The following PIEZO2 variants were observed in gnomAD, a reference collection of about 807,000 sequenced individuals.
The protein encoded by PIEZO2 is piezo-type mechanosensitive ion channel component 2.
In PIEZO2, 172 loss-of-function variants were observed where a neutral mutation model predicts 337.3. That is an observed-to-expected ratio of 0.51 (90% CI 0.45 to 0.58). The LOEUF (loss-of-function observed/expected upper bound fraction) is 0.58, where lower values mean the gene tolerates loss of function less well. PIEZO2 is among the 20% of genes least tolerant of loss of function. The pLI, the probability that PIEZO2 is intolerant of heterozygous loss-of-function variation, is 0.00. For missense variants in PIEZO2, 3,028 were observed against 3,391.3 expected (o/e 0.89, Z 2.66); for synonymous variants, 1,251 against 1,228.5 (o/e 1.02, Z -0.38).
At position 10,815,111 on chromosome 18, in the gene PIEZO2, G is replaced by T. The variant is rs114547283; in HGVS notation, c.918-7837C>A. ...TTTTCTTTTTCTTCCATCCCCTACC[G>T]ACCCTTTCCCCACTCTAATGGCATA... On this transcript the variant is annotated intron_variant, in intron 7 of 55. Coordinates refer to ENST00000674853, the MANE Select transcript of PIEZO2 (RefSeq NM_001378183.1). The surrounding 1 kb of genome is among the most constrained non-coding windows in gnomAD (Gnocchi z 4.1). Among the ~76,000 whole-genome samples, 170 of 152,142 alleles carry T rather than the reference G, an allele frequency of 1.1e-3. 1 individual carries two copies. Among genetic ancestry groups the T allele is most frequent in the African/African-American group, 3.8e-3 (159 of 41,506 alleles).
chr18:11,089,217 T>C (rs976806455), intron 1 of PIEZO2, among the ~76,000 whole-genome samples: 5 of 152,130 alleles, frequency 3.3e-5, no homozygotes, highest in African/African-American at 1.2e-4. Flanking sequence ...TTTAGATATG[T>C]ATCATGGTTG....
intron 39 of PIEZO2, among the ~76,000 whole-genome samples, chr18:10,711,782 C>T (rs4797470): frequency 0.3 from 46,139 of 152,182 alleles, 7,214 homozygotes; most frequent in East Asian, 0.4. Flanking sequence ...TATTCTTCAC[C>T]GCGCAGGAGG....
At chr18:11,039,226 G>T (rs2037026686) in intron 2 of PIEZO2, among the ~76,000 whole-genome samples, 1 of 152,190 alleles carries the variant, frequency 6.6e-6, no homozygotes, top group African/African-American at 2.4e-5. Flanking sequence ...AAGCGATTGG[G>T]TGACAGCAGC....
Position 10,872,577 on chromosome 18 carries a change from C to A in PIEZO2, c.330-1162G>T, listed in dbSNP as rs561804735. Among the ~76,000 whole-genome samples, 2 of 151,702 alleles carry A rather than the reference C, an allele frequency of 1.3e-5. No individual in the cohort carries two copies. The highest frequency in any genetic ancestry group is 1.3e-4 in the Admixed American group (2 of 15,274). ...CAGACTTCTCACACCATTCAGCACA[C>A]GACACGGGCCAGCCATGTCCCTCAT... On this transcript the variant is annotated intron_variant, in intron 4 of 55. Coordinates refer to ENST00000674853, the MANE Select transcript of PIEZO2 (RefSeq NM_001378183.1). The surrounding 1 kb of genome is among the most constrained non-coding windows in gnomAD (Gnocchi z 4.3).
intron 4 of PIEZO2, among the ~76,000 whole-genome samples, chr18:10,880,523 A>G (rs984361265): frequency 6.6e-6 from 1 of 152,126 alleles, no homozygotes; most frequent in African/African-American, 2.4e-5. Flanking sequence ...CATCACAGTC[A>G]TCTTCAGAAG....
At chr18:11,137,652 G>A (rs151305701) in intron 1 of PIEZO2, among the ~76,000 whole-genome samples, 6 of 152,250 alleles carry the variant, frequency 3.9e-5, no homozygotes, top group Admixed American at 6.5e-5. Context: ...AGTGCTGCCC[G>A]GCAGGGACAG....
chr18:10,892,264 T>C, intron 4 of PIEZO2, among the ~76,000 whole-genome samples: 1 of 152,178 alleles, frequency 6.6e-6, no homozygotes, highest in Non-Finnish European at 1.5e-5. Flanking sequence ...TGTACAATTA[T>C]TATGTATTAT....
chr18:10,768,847 C>A (rs879597423), intron 21 of PIEZO2, among the ~76,000 whole-genome samples: 8 of 152,166 alleles, frequency 5.3e-5, no homozygotes, highest in Admixed American at 5.2e-4. Context: ...AAATTGCATC[C>A]TTTAACCCTT....
chr18:11,078,047 CA>C lies in PIEZO2; in HGVS notation c.65-11826del, dbSNP rs1598924254. Among the ~76,000 whole-genome samples the C allele has an allele frequency of 1.4e-4, 6 of 42,108 alleles. No homozygotes were observed. In the East Asian group the frequency reaches 4.6e-3, roughly 32 times the overall value. 27.6% of individuals were successfully genotyped at this position (42,108 alleles called of 152,430 possible). ...GCGTGCACACACACCCACACACACC[CA>C]CACACACACACACACACACCACACA... On this transcript the variant is annotated intron_variant, in intron 1 of 55. Transcript: ENST00000674853. This position sits in a 1 kb window ranked among gnomAD's most constrained non-coding sequence, Gnocchi z 5.3.
At chr18:10,902,039 G>A (rs778199947) in intron 4 of PIEZO2, among the ~76,000 whole-genome samples, 10 of 152,206 alleles carry the variant, frequency 6.6e-5, no homozygotes, top group Non-Finnish European at 1.3e-4. Context: ...TGAGAGGCAG[G>A]CCAGCTCCAC....
Position 10,682,148 on chromosome 18 carries a change from G to T in PIEZO2, c.7642C>A (p.Gln2548Lys). 2 of 1,537,172 alleles carry T rather than the reference G, an allele frequency of 1.3e-6. No homozygotes were observed. Among genetic ancestry groups the T allele is most frequent in the Non-Finnish European group, 1.7e-6 (2 of 1,146,880 alleles). The change falls in exon 50 of 56, where the codon CAG becomes AAG. Residue 2548 changes from glutamine (Q) to lysine (K), a missense_variant. By Grantham distance (53) the Gln-to-Lys change is moderately conservative. Coordinates refer to ENST00000674853, the MANE Select transcript of PIEZO2 (RefSeq NM_001378183.1). This position sits in a 1 kb window ranked among gnomAD's most constrained non-coding sequence, Gnocchi z 5.6. ...LIKSVAGVIN[Q>K]PLDVSVTITL... ...ATTGTGACGGAGACGTCCAGGGGCT[G>T]GTTGATGACCCCAGCCACAGATTTG...
At chr18:10,968,126 TA>T (rs1289656896) in intron 3 of PIEZO2, among the ~76,000 whole-genome samples, 1 of 152,188 alleles carries the variant, frequency 6.6e-6, no homozygotes, top group Non-Finnish European at 1.5e-5. Flanking sequence ...GATTTTTGTA[TA>T]AGGTAAGAGA....
chr18:11,004,136 G>A (rs1001487145), intron 2 of PIEZO2, among the ~76,000 whole-genome samples: 9 of 152,130 alleles, frequency 5.9e-5, no homozygotes, highest in African/African-American at 2.2e-4. Flanking sequence ...TCGTTCCCAG[G>A]GATCTATGAG....
At chr18:10,823,814 T>G (rs1390271967) in intron 7 of PIEZO2, among the ~76,000 whole-genome samples, 1 of 152,234 alleles carries the variant, frequency 6.6e-6, no homozygotes, top group Non-Finnish European at 1.5e-5. Context: ...TTTCCATTTT[T>G]TAATTGAATG....
chr18:10,911,301 C>T lies in PIEZO2; in HGVS notation c.287-73G>A, dbSNP rs572014270. The T allele has an allele frequency of 2.3e-5, 9 of 386,974 alleles. 1 individual carries two copies. The highest frequency in any genetic ancestry group is 1.5e-4 in the South Asian group (4 of 26,730). The allele number at this position is 386,974 out of a possible 1,614,324, so 24.0% of individuals were successfully genotyped here. A position where few individuals can be genotyped will look rare whatever the true frequency, so the allele number is the denominator to read the frequency against. On this transcript the variant is annotated intron_variant, in intron 3 of 55. Coordinates refer to ENST00000674853, the MANE Select transcript of PIEZO2 (RefSeq NM_001378183.1). ...TAGTTTTGTTCGGCTTTTCCACACA[C>T]GCTAGATATTTGGTTTTATGTTTAG...
At chr18:11,117,576 C>T (rs2039926094) in intron 1 of PIEZO2, among the ~76,000 whole-genome samples, 1 of 152,202 alleles carries the variant, frequency 6.6e-6, no homozygotes, top group Admixed American at 6.5e-5. Flanking sequence ...AGAATGTTTT[C>T]CGAAACTTTT....
intron 1 of PIEZO2, among the ~76,000 whole-genome samples, chr18:11,072,776 C>T (rs939792990): frequency 2.0e-5 from 3 of 152,122 alleles, no homozygotes; most frequent in Admixed American, 6.5e-5. Context: ...ATGACCTCAC[C>T]GCCGTACCAC....
At chr18:10,743,651 T>G (rs2037311853) in intron 31 of PIEZO2, among the ~76,000 whole-genome samples, 1 of 152,218 alleles carries the variant, frequency 6.6e-6, no homozygotes, top group Admixed American at 6.5e-5. Context: ...AGAGACTGGA[T>G]GATATTATCT....
At chr18:11,019,807 CTTGT>C (rs1425023398) in intron 2 of PIEZO2, among the ~76,000 whole-genome samples, 1 of 152,168 alleles carries the variant, frequency 6.6e-6, no homozygotes, top group Non-Finnish European at 1.5e-5. Context: ...ATCTCATCAT[CTTGT>C]TTGTTTTCTT....
Sources: gnomAD v4.1 joint callset for allele counts (sites outside exome capture counted in the v4.1 genomes callset) on GRCh38, gnomAD v4.1.1 for gene constraint, Gnocchi (gnomAD v3.1) non-coding constraint, MANE v1.5 for transcripts, NCBI Gene and HGNC (gene_info 2026-07-23, HGNC 2026-07-21) for gene names.